The following SAMD8 variants were observed in gnomAD, a reference collection of about 807,000 sequenced individuals.
The protein encoded by SAMD8 is sterile alpha motif domain containing 8, also known as sphingomyelin synthase-related protein 1.
A neutral mutation model predicts 42.0 loss-of-function variants in SAMD8; 20 were observed. The observed-to-expected ratio is 0.48, with a 90% confidence interval of 0.34 to 0.69. The LOEUF (loss-of-function observed/expected upper bound fraction) is 0.69. Among genes scored for constraint, SAMD8 ranks in the 30% least tolerant of loss-of-function variants. The pLI is 0.01. For missense variants in SAMD8, 328 were observed against 511.6 expected, an observed-to-expected ratio of 0.64 and a Z score of 3.46; for synonymous variants, 162 against 173.0, an observed-to-expected ratio of 0.94 and a Z score of 0.50.
In SAMD8 at chr10:75,177,508, A is replaced by G. The variant is rs575088412; in HGVS notation, c.*816A>G. 3.3e-5 allele frequency: 5 copies of G among 152,344 alleles called. No homozygotes were observed. In the East Asian group the frequency reaches 9.6e-4, roughly 29 times the overall value. 9.4% of individuals were successfully genotyped at this position (152,344 alleles called of 1,614,324 possible). ...TGCTATAGTTGTTAGATGACAGTTC[A>G]ATTTTATGCTTTTTTAATGGTGTTA... On this transcript the variant is annotated 3_prime_UTR_variant, in exon 6 of 6. Coordinates refer to ENST00000542569, the MANE Select transcript of SAMD8 (RefSeq NM_001174156.2).
intron 1 of SAMD8, among the ~76,000 whole-genome samples, chr10:75,119,302 G>A (rs932455204): frequency 5.3e-5 from 8 of 152,046 alleles, no homozygotes; most frequent in Non-Finnish European, 1.2e-4. Context: ...TTACAGGGGT[G>A]CACCACCATG....
chr10:75,145,580 T>G (rs1259355322), intron 1 of SAMD8, among the ~76,000 whole-genome samples: 2 of 152,166 alleles, frequency 1.3e-5, no homozygotes, highest in Non-Finnish European at 2.9e-5. Context: ...TAAGATTTGT[T>G]AGGATGAACC....
chr10:75,142,502 T>A (rs1246114796), intron 1 of SAMD8, among the ~76,000 whole-genome samples: 1 of 152,016 alleles, frequency 6.6e-6, no homozygotes, highest in Non-Finnish European at 1.5e-5. Flanking sequence ...AGTGGCACGA[T>A]CTTGGCTCAC....
rs1000993774 is a variant in SAMD8 at position 75,181,136 on chromosome 10, C to G, written c.*4444C>G. Reference sequence around the variant, plus strand: ...AAGAAAGCTGTCTTGTAGAATAGTCCAATTGCTTTCTTAAACAGTACTGGT... The same window carrying G: ...AAGAAAGCTGTCTTGTAGAATAGTCGAATTGCTTTCTTAAACAGTACTGGT... On this transcript the variant is annotated 3_prime_UTR_variant, in exon 6 of 6. Transcript: ENST00000542569. The G allele has an allele frequency of 6.6e-6, 1 of 152,108 alleles. No individual in the cohort carries two copies. Among genetic ancestry groups the G allele is most frequent in the Non-Finnish European group, 1.5e-5 (1 of 68,020 alleles). The allele number at this position is 152,108 out of a possible 1,614,324, so 9.4% of individuals were successfully genotyped here.
chr10:75,110,947 CTGGG>C (rs532591196), upstream of SAMD8, among the ~76,000 whole-genome samples: 169 of 152,136 alleles, frequency 1.1e-3, 1 homozygote, highest in African/African-American at 1.9e-3. Context: ...TCCCGAGTAG[CTGGG>C]ATTACAGGTA....
intron 1 of SAMD8, chr10:75,104,195 G>T: frequency 1.2e-6 from 1 of 833,358 alleles, no homozygotes; most frequent in South Asian, 1.6e-5. Context: ...ACCTAAACCT[G>T]CTTCTGCCTT....
At chr10:75,101,351 A>G (rs1462480976) in intron 1 of SAMD8, among the ~76,000 whole-genome samples, 1 of 152,140 alleles carries the variant, frequency 6.6e-6, no homozygotes, top group Non-Finnish European at 1.5e-5. Context: ...TCTTACTATT[A>G]TTATCACTAC....
At chr10:75,123,229 C>G (rs976782593) in intron 1 of SAMD8, among the ~76,000 whole-genome samples, 1 of 127,688 alleles carries the variant, frequency 7.8e-6, no homozygotes, top group Non-Finnish European at 1.6e-5. Flanking sequence ...GGGGGTTGGG[C>G]GGGTAAAGGA....
upstream of SAMD8, chr10:75,111,446 T>C: frequency 8.7e-7 from 1 of 1,145,582 alleles, no homozygotes; most frequent in Non-Finnish European, 1.1e-6. Flanking sequence ...CCCCGCCCCC[T>C]GCCGGTAGAA....
intron 2 of SAMD8, among the ~76,000 whole-genome samples, chr10:75,160,652 A>G (rs1431761720): frequency 2.0e-5 from 3 of 152,228 alleles, no homozygotes; most frequent in Admixed American, 6.5e-5. Flanking sequence ...GAGTGAAGAA[A>G]CTGTATAATC....
intron 1 of SAMD8, among the ~76,000 whole-genome samples, chr10:75,136,536 G>A (rs1013860266): frequency 3.9e-5 from 6 of 152,140 alleles, no homozygotes; most frequent in African/African-American, 1.4e-4. Context: ...CAACAATTCA[G>A]AGGACTAAAG....
At chr10:75,105,741 G>A in intron 1 of SAMD8, 1 of 1,554,494 alleles carries the variant, frequency 6.4e-7, no homozygotes, top group Non-Finnish European at 8.7e-7. Context: ...GGTTGGGGAA[G>A]ACCCATCGGT....
chr10:75,111,531 G>A (rs1848766572), upstream of SAMD8: 3 of 1,232,314 alleles, frequency 2.4e-6, no homozygotes, highest in East Asian at 9.6e-5. Context: ...CGGCGCGGCG[G>A]TGACGGCGGC....
intron 4 of SAMD8, among the ~76,000 whole-genome samples, chr10:75,173,097 G>A (rs1840907811): frequency 1.3e-5 from 2 of 152,132 alleles, no homozygotes; most frequent in Non-Finnish European, 2.9e-5. Context: ...TCCTTCTATG[G>A]TATAAACAGC....
intron 1 of SAMD8, chr10:75,125,794 A>C (rs2134436332): frequency 6.6e-6 from 1 of 152,388 alleles, no homozygotes; most frequent in East Asian, 1.9e-4. Context: ...GAACTTGTAA[A>C]GCCTGCAAGG....
At chr10:75,162,696 T>A (rs1840587077) in intron 2 of SAMD8, among the ~76,000 whole-genome samples, 1 of 151,808 alleles carries the variant, frequency 6.6e-6, no homozygotes, top group Non-Finnish European at 1.5e-5. Context: ...GAGAGTTAAT[T>A]TTATTCTAGG....
At chr10:75,107,896 A>G, upstream of SAMD8, 1 of 1,389,594 alleles carries the variant, frequency 7.2e-7, no homozygotes, top group Non-Finnish European at 9.8e-7. Flanking sequence ...GATTTTTAAA[A>G]AGCAGGGATG....
At chr10:75,143,178 G>A (rs549198028) in intron 1 of SAMD8, among the ~76,000 whole-genome samples, 5 of 152,288 alleles carry the variant, frequency 3.3e-5, no homozygotes, top group South Asian at 2.1e-4. Flanking sequence ...GCAGTGGCAC[G>A]GGCCCATAAT....
Position 75,116,452 on chromosome 10 carries a change from A to G in SAMD8, c.-16+4730A>G, listed in dbSNP as rs1160594482. Among the ~76,000 whole-genome samples, 4 of 152,302 alleles carry G rather than the reference A, an allele frequency of 2.6e-5. No individual in the cohort carries two copies. In the East Asian group the frequency reaches 5.8e-4, roughly 22 times the overall value. On this transcript the variant is annotated intron_variant, in intron 1 of 5. Transcript: ENST00000542569. ...TGAGTTGTGGCAGAGGACAAGAGGT[A>G]GTAACATGAGTATCTGTTATCTTGA...
Sources: gnomAD v4.1 joint callset for allele counts (sites outside exome capture counted in the v4.1 genomes callset) on GRCh38, gnomAD v4.1.1 for gene constraint, MANE v1.5 for transcripts, NCBI Gene and HGNC (gene_info 2026-07-23, HGNC 2026-07-21) for gene names.